Variants in CORO7 observed in about 807,000 individuals in gnomAD.
The protein encoded by CORO7 is coronin-7.
CORO7 carries 107 observed loss-of-function variants against 126.6 expected under a neutral mutation model. The observed-to-expected ratio is 0.85, with a 90% CI of 0.72 to 0.99. The LOEUF (loss-of-function observed/expected upper bound fraction) is 0.99, where lower values mean the gene tolerates loss of function less well. Ranked by LOEUF, CORO7 falls within the 50% of genes least tolerant of loss-of-function variation. The pLI is 0.00. For missense variants in CORO7, 1,314 were observed against 1,255.8 expected (o/e 1.05, Z -0.70); for synonymous variants, 603 against 536.8 (o/e 1.12, Z -1.70).
chr16:4,385,561 G>C (rs2055168271), intron 9 of CORO7, among the ~76,000 whole-genome samples: 1 of 152,160 alleles, frequency 6.6e-6, no homozygotes, highest in Non-Finnish European at 1.5e-5. Context: ...CAGGCTGCCA[G>C]TCCCTCTCGT....
rs888092521 is a variant in CORO7 at position 4,382,784 on chromosome 16, A to G, written c.785+5202T>C. On this transcript the variant is annotated intron_variant, in intron 9 of 27. Transcript: ENST00000251166. ...AAGGTCCCCTTGGAGCCAGGCCCGA[A>G]GGCAACAGAGGGCGGTGGAGAGGCC... 6.6e-5 allele frequency: 104 copies of G among 1,581,198 alleles called. No homozygotes were observed. Among genetic ancestry groups the G allele is most frequent in the Non-Finnish European group, 8.7e-5 (101 of 1,164,554 alleles).
chr16:4,413,403 G>A lies in CORO7; in HGVS notation c.62C>T (p.Ser21Phe). The A allele has an allele frequency of 1.9e-6, 3 of 1,568,096 alleles. No homozygotes were observed. The highest frequency in any genetic ancestry group is 2.6e-6 in the Non-Finnish European group (3 of 1,155,056). Reference protein sequence around the residue: ...HTEARPPRRESWISDIRAGTA... With the variant: ...HTEARPPRREFWISDIRAGTA... Reference sequence around the variant, plus strand: ...TCCTGCTCGAATGTCACTGATCCAGGACTGAAAATCAAGAGTAAAGAAGTA... The same window carrying A: ...TCCTGCTCGAATGTCACTGATCCAGAACTGAAAATCAAGAGTAAAGAAGTA... Residue 21 changes from serine (S) to phenylalanine (F), a missense_variant and splice_region_variant, in exon 2 of 28, where the codon TCC becomes TTC. Ser to Phe is a radical substitution (Grantham distance 155, BLOSUM62 -2). Transcript: ENST00000251166.
intron 3 of CORO7, among the ~76,000 whole-genome samples, chr16:4,409,790 G>A (rs2056135188): frequency 6.6e-6 from 1 of 152,226 alleles, no homozygotes; most frequent in Admixed American, 6.5e-5. Context: ...GGGCAAGAGT[G>A]GCCCTGAGCT....
At chr16:4,385,354 G>A (rs1214912240) in intron 9 of CORO7, among the ~76,000 whole-genome samples, 4 of 152,092 alleles carry the variant, frequency 2.6e-5, no homozygotes, top group Admixed American at 6.5e-5. Flanking sequence ...CCGGCCACGC[G>A]GGAGGGCTTA....
At chr16:4,356,363 G>C (rs749612628) in intron 26 of CORO7, 1 of 152,188 alleles carries the variant, frequency 6.6e-6, no homozygotes, top group East Asian at 1.9e-4. Flanking sequence ...CCAAAGTGCT[G>C]GGATTACAGG....
At chr16:4,381,963 G>T (rs1271102855) in intron 9 of CORO7, 1 of 1,608,438 alleles carries the variant, frequency 6.2e-7, no homozygotes, top group East Asian at 2.2e-5. Context: ...CCACCACGAG[G>T]CCCGTGGTGC....
In CORO7 at chr16:4,413,696, C is replaced by T. The variant is rs550523403; in HGVS notation, c.61-292G>A. On this transcript the variant is annotated intron_variant, in intron 1 of 27. Coordinates refer to ENST00000251166, the MANE Select transcript of CORO7 (RefSeq NM_024535.5). ...GGGATTACAGGCGCCCAACACCAAG[C>T]CCAGCTAATTTTTGTATTGTTAGTA... Among the ~76,000 whole-genome samples, 251 of 152,050 alleles carry T rather than the reference C, an allele frequency of 1.7e-3. 1 individual carries two copies. The highest frequency in any genetic ancestry group is 2.5e-3 in the Non-Finnish European group (169 of 67,972).
intron 3 of CORO7, 49 bp from the exon 4 acceptor site, chr16:4,408,300 C>G (rs1234273917): frequency 6.2e-7 from 1 of 1,613,292 alleles, no homozygotes; most frequent in Admixed American, 1.7e-5. Flanking sequence ...GTTTCCAACC[C>G]AGTATGAAGC....
intron 9 of CORO7, among the ~76,000 whole-genome samples, chr16:4,374,541 G>T (rs1282169432): frequency 1.3e-5 from 2 of 152,074 alleles, no homozygotes; most frequent in Non-Finnish European, 2.9e-5. Context: ...GAGGGAGCCG[G>T]CCTACACCGG....
Position 4,412,469 on chromosome 16 carries a change from C to T in CORO7, c.158-39G>A, listed in dbSNP as rs146766593. The T allele has an allele frequency of 7.8e-5, 125 of 1,608,078 alleles. No homozygotes were observed. The East Asian group carries it at 2.7e-3, about 35-fold the overall frequency. ...ACGGGGACTCTGACTTCAGGCCCCACAGGGCCACCCACCTCCTTGCCCAGG... is the reference window on the plus strand; with the variant it reads ...ACGGGGACTCTGACTTCAGGCCCCATAGGGCCACCCACCTCCTTGCCCAGG... On this transcript the variant is annotated intron_variant, in intron 2 of 27. Transcript: ENST00000251166.
chr16:4,355,614 G>C (rs1384592658), intron 26 of CORO7: 1 of 484,340 alleles, frequency 2.1e-6, no homozygotes, highest in Non-Finnish European at 3.7e-6. Context: ...GATTACAGGC[G>C]CCCACCACCA....
At chr16:4,412,527 C>G (rs375287200) in intron 2 of CORO7, 97 bp from the exon 3 acceptor site, 7 of 1,289,830 alleles carry the variant, frequency 5.4e-6, no homozygotes, top group Non-Finnish European at 7.8e-6. Context: ...AGCTCAGCCT[C>G]GGACCTTCCC....
intron 9 of CORO7, among the ~76,000 whole-genome samples, chr16:4,376,684 C>A (rs1370497387): frequency 6.6e-6 from 1 of 152,100 alleles, no homozygotes; most frequent in African/African-American, 2.4e-5. Context: ...GTGGGCGTCC[C>A]CCTGGGAGTT....
At chr16:4,366,243 G>A (rs1486647659) in intron 9 of CORO7, among the ~76,000 whole-genome samples, 4 of 152,218 alleles carry the variant, frequency 2.6e-5, no homozygotes, top group African/African-American at 9.6e-5. Context: ...GGCCTTCTCT[G>A]GTCTCGAGGC....
Position 4,388,023 on chromosome 16 carries a change from T to C in CORO7, c.748A>G (p.Ser250Gly). 6.2e-7 allele frequency: 1 copy of C among 1,613,164 alleles called. No individual in the cohort carries two copies. Among genetic ancestry groups the C allele is most frequent in the Non-Finnish European group, 8.5e-7 (1 of 1,179,916 alleles). Residue 250 changes from serine (S) to glycine (G), a missense_variant, in exon 9 of 28, where the codon AGC becomes GGC. Transcript: ENST00000251166. Reference sequence around the variant, plus strand: ...TCCAAGGTGAGGGAGGCCAGGGCGCTGGAGAAGAACCGCGTGTCCCACAGC... The same window carrying C: ...TCCAAGGTGAGGGAGGCCAGGGCGCCGGAGAAGAACCGCGTGTCCCACAGC... ...VKLWDTRFFS[S>G]ALASLTLDTS...
At chr16:4,398,773 G>T (rs894546288) in intron 6 of CORO7, among the ~76,000 whole-genome samples, 3 of 151,684 alleles carry the variant, frequency 2.0e-5, no homozygotes, top group Non-Finnish European at 2.9e-5. Context: ...TTCAAGACCA[G>T]TGTGGCCAAC....
Position 4,364,606 on chromosome 16 carries a change from G to T in CORO7, c.1128C>A (p.Asp376Glu), listed in dbSNP as rs2054287642. ...CCAGCCCTGGTCCTACCTGCTGGTT[G>T]TCCCCAGCCCACCAGCTATGGGGGT... The part of the protein sequence containing the change: ...ATDPHSWWAG[D>E]NQQVQKVSLN... Residue 376 changes from aspartate (D) to glutamate (E), a missense_variant, in exon 13 of 28, where the codon GAC (aspartate) becomes GAA (glutamate). By Grantham distance (45) the Asp-to-Glu change is conservative. Transcript: ENST00000251166. The T allele has an allele frequency of 1.3e-6, 2 of 1,561,056 alleles. No individual in the cohort carries two copies. The highest frequency in any genetic ancestry group is 1.2e-5 in the South Asian group (1 of 84,904).
At chr16:4,382,117 T>C in intron 9 of CORO7, 2 of 1,582,826 alleles carry the variant, frequency 1.3e-6, no homozygotes, top group African/African-American at 1.3e-5. Flanking sequence ...ACCGTCCACC[T>C]GCCTCAATGG....
Position 4,364,602 on chromosome 16 carries a change from G to A in CORO7, c.1132C>T (p.Gln378Ter). 4.5e-6 allele frequency: 7 copies of A among 1,559,426 alleles called. No homozygotes were observed. The highest frequency in any genetic ancestry group is 1.2e-5 in the South Asian group (1 of 84,766). The change falls in exon 13 of 28, where the codon CAG (glutamine) becomes TAG (stop). Residue 378 changes from glutamine to a stop codon, truncating the protein, a stop_gained. Transcript: ENST00000251166. LOFTEE classifies it high-confidence loss of function. The part of the protein sequence containing the change: ...DPHSWWAGDN[Q>*]QVQKVSLNPA... The stretch of plus-strand genomic sequence containing the variant: ...TGAGCCAGCCCTGGTCCTACCTGCT[G>A]GTTGTCCCCAGCCCACCAGCTATGG...
Sources: gnomAD v4.1 joint callset for allele counts (sites outside exome capture counted in the v4.1 genomes callset) on GRCh38, gnomAD v4.1.1 for gene constraint, MANE v1.5 for transcripts, NCBI Gene and HGNC (gene_info 2026-07-23, HGNC 2026-07-21) for gene names.